The following ITIH1 variants were observed in gnomAD, a reference collection of about 807,000 sequenced individuals.
ITIH1 encodes the protein inter-alpha-trypsin inhibitor heavy chain 1.
ITIH1 carries 94 observed loss-of-function variants against 104.6 expected under a neutral mutation model. That is an observed-to-expected ratio of 0.90 (90% CI 0.76 to 1.07). The LOEUF (loss-of-function observed/expected upper bound fraction) is 1.07, where lower values mean the gene tolerates loss of function less well. Ranked by LOEUF, ITIH1 falls within the 50% of genes least tolerant of loss-of-function variation. The probability of loss-of-function intolerance (pLI) is 0.00; values close to 1 mark genes in which losing one functional copy is unlikely to be tolerated. For missense variants in ITIH1, 1,193 were observed against 1,181.4 expected, an observed-to-expected ratio of 1.01 and a Z score of -0.14; for synonymous variants, 455 against 464.4, an observed-to-expected ratio of 0.98 and a Z score of 0.26.
chr3:52,780,079 C>T lies in ITIH1; in HGVS notation c.574-190C>T, dbSNP rs1698995454. Reference sequence around the variant, plus strand: ...TAGGTGGCCAGGACACATGCTGGCTCTTGGCTGAGACTTGGTGAGTGGGAG... The same window carrying T: ...TAGGTGGCCAGGACACATGCTGGCTTTTGGCTGAGACTTGGTGAGTGGGAG... On this transcript the variant is annotated intron_variant, in intron 5 of 21. Transcript: ENST00000273283. 3.0e-6 allele frequency: 3 copies of T among 1,012,654 alleles called. No homozygotes were observed. In the East Asian group the frequency reaches 7.9e-5, roughly 27 times the overall value. 62.7% of individuals were successfully genotyped at this position (1,012,654 alleles called of 1,614,324 possible).
rs773259580 is a variant in ITIH1, at chr3:52,782,029, C to T, written c.777C>T (p.Thr259=). The part of the protein sequence containing the change: ...TSLLNGHFKV[T]YDVSRDKICD... The stretch of plus-strand genomic sequence containing the variant: ...TACTGAACGGGCACTTCAAGGTGAC[C>T]TACGATGTCAGTCGAGACAAGATCT... Residue 259 remains threonine (T), a synonymous_variant, in exon 7 of 22, where the codon ACC becomes ACT. Coordinates refer to ENST00000273283, the MANE Select transcript of ITIH1 (RefSeq NM_002215.4). 2.5e-6 allele frequency: 4 copies of T among 1,614,154 alleles called. No homozygotes were observed. The South Asian group carries it at 4.4e-5, about 18-fold the overall frequency.
At chr3:52,787,650 C>A in intron 16 of ITIH1, 38 bp downstream of exon 16, 1 of 1,608,420 alleles carries the variant, frequency 6.2e-7, no homozygotes, top group African/African-American at 1.3e-5. Context: ...CATCTCTACC[C>A]CTCCTTGATG....
At position 52,784,341 on chromosome 3, in the gene ITIH1, T is replaced by G. The variant is rs375346747; in HGVS notation, c.1271T>G (p.Ile424Ser). The change falls in exon 11 of 22, where the codon ATC becomes AGC. Residue 424 changes from isoleucine to serine, a missense_variant. Physicochemically the swap from Ile to Ser is moderately radical, Grantham distance 142. Transcript: ENST00000273283. The stretch of plus-strand genomic sequence containing the variant: ...ATCCTCAAGAACGTCCGCAACGCCA[T>G]CCGGGGCAGGTTCCCGCTCTACAAC... Reference protein sequence around the residue: ...SQILKNVRNAIRGRFPLYNLG... With the variant: ...SQILKNVRNASRGRFPLYNLG... 1.2e-6 allele frequency: 2 copies of G among 1,614,122 alleles called. No individual in the cohort carries two copies. Among genetic ancestry groups the G allele is most frequent in the Non-Finnish European group, 1.7e-6 (2 of 1,179,974 alleles).
Position 52,788,339 on chromosome 3 carries a change from AAC to A in ITIH1, c.2117_2118del (p.Thr706ArgfsTer20), listed in dbSNP as rs1241214532. On this transcript the variant is annotated frameshift_variant, in exon 18 of 22. Transcript: ENST00000273283. LOFTEE classifies it high-confidence loss of function. ...TATCCTGAGCCTGGTACAGGACCCCAACACAGGTATGGCGGGCATCACACCTC... is the reference window on the plus strand; with the variant it reads ...TATCCTGAGCCTGGTACAGGACCCCAACAGGTATGGCGGGCATCACACCTC... ...GVILSLVQDP[N>X]TGFSVNGQLI... 1 of 1,593,896 alleles carries A rather than the reference AAC, an allele frequency of 6.3e-7. No individual in the cohort carries two copies. The highest frequency in any genetic ancestry group is 8.6e-7 in the Non-Finnish European group (1 of 1,166,602).
At chr3:52,781,341 CTCT>C (rs547586206) in intron 6 of ITIH1, among the ~76,000 whole-genome samples, 164 of 148,442 alleles carry the variant, frequency 1.1e-3, no homozygotes, top group Non-Finnish European at 2.0e-3. Flanking sequence ...CTTCTATCTT[CTCT>C]TCTTCTTCCT....
intron 3 of ITIH1, 61 bp downstream of exon 3, chr3:52,778,567 A>C: frequency 6.2e-7 from 1 of 1,603,758 alleles, no homozygotes; most frequent in East Asian, 2.2e-5. Flanking sequence ...GTCCCAGCTT[A>C]AGAACAAGGA....
chr3:52,785,130 C>T lies in ITIH1; in HGVS notation c.1494C>T (p.Asn498=), dbSNP rs1023107905. The part of the protein sequence containing the change: ...PQDAVLALTQ[N]HHKQYYEGSE... ...ATGCTGTCTTGGCCCTGACCCAGAACCACCATAAACAGTACTACGAAGGCT... is the reference window on the plus strand; with the variant it reads ...ATGCTGTCTTGGCCCTGACCCAGAATCACCATAAACAGTACTACGAAGGCT... Residue 498 remains asparagine, a synonymous_variant, in exon 12 of 22, where the codon AAC becomes AAT. Coordinates refer to ENST00000273283, the MANE Select transcript of ITIH1 (RefSeq NM_002215.4). The T allele has an allele frequency of 2.5e-6, 4 of 1,614,154 alleles. No homozygotes were observed. The highest frequency in any genetic ancestry group is 3.4e-6 in the Non-Finnish European group (4 of 1,180,016).
chr3:52,779,653 A>G lies in ITIH1; in HGVS notation c.573+59A>G. ...CCTCTCTCCGTCACCATGGCTCCCAACACTGGTTGAGCACCCACCATGTGT... is the reference window on the plus strand; with the variant it reads ...CCTCTCTCCGTCACCATGGCTCCCAGCACTGGTTGAGCACCCACCATGTGT... On this transcript the variant is annotated intron_variant, in intron 5 of 21. Transcript: ENST00000273283. The surrounding 1 kb of genome is among the most constrained non-coding windows in gnomAD (Gnocchi z 4.4). 21 of 1,583,564 alleles carry G rather than the reference A, an allele frequency of 1.3e-5. No homozygotes were observed. Among genetic ancestry groups the G allele is most frequent in the Non-Finnish European group, 1.8e-5 (21 of 1,152,796 alleles).
At chr3:52,783,880 G>T (rs903001993) in intron 10 of ITIH1, among the ~76,000 whole-genome samples, 7 of 151,992 alleles carry the variant, frequency 4.6e-5, no homozygotes, top group Non-Finnish European at 1.5e-5. Context: ...CTAGAAAGAG[G>T]GGAGAGTGGC....
rs78258905 is a variant in ITIH1, at chr3:52,789,711, C to T, written c.2178C>T (p.Asp726=). The T allele has an allele frequency of 3.5e-4, 571 of 1,614,204 alleles. 3 individuals are homozygous for T. In the African/African-American group the frequency reaches 6.4e-3, roughly 18 times the overall value. The change falls in exon 19 of 22, where the codon GAC becomes GAT. Residue 726 remains aspartate (D), a synonymous_variant. Transcript: ENST00000273283. Reference sequence around the variant, plus strand: ...AGGCCAGGAGCCCTGGGCAGCATGACGGCACGTACTTCGGGCGGCTGGGAA... The same window carrying T: ...AGGCCAGGAGCCCTGGGCAGCATGATGGCACGTACTTCGGGCGGCTGGGAA... The part of the protein sequence containing the change: ...GNKARSPGQH[D]GTYFGRLGIA...
chr3:52,792,044 T>A lies in ITIH1; in HGVS notation c.*133T>A. On this transcript the variant is annotated 3_prime_UTR_variant, in exon 22 of 22. Transcript: ENST00000273283. Reference sequence around the variant, plus strand: ...TGTCAAAGCACCTCATGCCTTCCATTAAAGAGAGGCCGTGTCCACCCTGAG... The same window carrying A: ...TGTCAAAGCACCTCATGCCTTCCATAAAAGAGAGGCCGTGTCCACCCTGAG... 9.5e-7 allele frequency: 1 copy of A among 1,049,768 alleles called. No homozygotes were observed. The highest frequency in any genetic ancestry group is 1.4e-6 in the Non-Finnish European group (1 of 736,908). 65.0% of individuals were successfully genotyped at this position (1,049,768 alleles called of 1,614,324 possible).
In ITIH1 at chr3:52,784,379, C is replaced by A. The variant is rs1012774740; in HGVS notation, c.1309C>A (p.His437Asn). The stretch of plus-strand genomic sequence containing the variant: ...CCCGCTCTACAACCTGGGTTTCGGC[C>A]ACAATGTGGACTTTAACTTTCTGGA... The part of the protein sequence containing the change: ...RFPLYNLGFG[H>N]NVDFNFLEVM... Residue 437 changes from histidine to asparagine, a missense_variant, in exon 11 of 22, where the codon CAC becomes AAC. Transcript: ENST00000273283. 19 of 1,614,028 alleles carry A rather than the reference C, an allele frequency of 1.2e-5. No individual in the cohort carries two copies. The highest frequency in any genetic ancestry group is 1.5e-5 in the Non-Finnish European group (18 of 1,180,008).
intron 2 of ITIH1, 90 bp from the exon 3 acceptor site, chr3:52,778,250 G>A (rs1384834876): frequency 1.3e-5 from 18 of 1,346,970 alleles, no homozygotes; most frequent in Non-Finnish European, 1.8e-5. Context: ...ACCATGCACT[G>A]GGGCTAAGTG....
At position 52,782,229 on chromosome 3, in the gene ITIH1, G is replaced by T; in HGVS notation, c.892G>T (p.Asp298Tyr). The part of the protein sequence containing the change: ...NMNKNVVFVI[D>Y]ISGSMRGQKV... ...GAACAAGAACGTGGTTTTTGTGATT[G>T]ACATCAGTGGCTCCATGAGAGGCCA... The change falls in exon 8 of 22, where the codon GAC becomes TAC. Residue 298 changes from aspartate (D) to tyrosine (Y), a missense_variant. Physicochemically the swap from Asp to Tyr is radical, Grantham distance 160. Transcript: ENST00000273283. 6.2e-7 allele frequency: 1 copy of T among 1,614,128 alleles called. No individual in the cohort carries two copies. Among genetic ancestry groups the T allele is most frequent in the Non-Finnish European group, 8.5e-7 (1 of 1,180,018 alleles).
chr3:52,786,807 T>G (rs1699214093), intron 13 of ITIH1, 138 bp from the exon 14 acceptor site: 3 of 1,003,894 alleles, frequency 3.0e-6, no homozygotes, highest in Admixed American at 2.8e-5. Flanking sequence ...AGCCACTGCA[T>G]AGGACACCAT....
chr3:52,782,076 A>G lies in ITIH1; in HGVS notation c.813+11A>G, dbSNP rs1452785197. ...ATCTGCGACCTCCTGGTGAGCCCTG[A>G]GCTTCTGGCTCAGCACCCAGAGGAT... On this transcript the variant is annotated intron_variant, in intron 7 of 21. Coordinates refer to ENST00000273283, the MANE Select transcript of ITIH1 (RefSeq NM_002215.4). The G allele has an allele frequency of 6.2e-7, 1 of 1,614,134 alleles. No individual in the cohort carries two copies. Among genetic ancestry groups the G allele is most frequent in the Non-Finnish European group, 8.5e-7 (1 of 1,180,028 alleles).
Position 52,779,020 on chromosome 3 carries a change from C to A in ITIH1, c.384C>A (p.Ile128=), listed in dbSNP as rs1578727838. 1.9e-6 allele frequency: 3 copies of A among 1,613,642 alleles called. No individual in the cohort carries two copies. In the East Asian group the frequency reaches 6.7e-5, roughly 36 times the overall value. ...TAWKQYRKAA[I]SGENAGLVRA... The stretch of plus-strand genomic sequence containing the variant: ...GGAAGCAGTACCGGAAAGCAGCTAT[C>A]TCAGGAGAGAATGCCGGCCTTGTCA... Residue 128 remains isoleucine (I), a synonymous_variant, in exon 4 of 22, where the codon ATC becomes ATA. Transcript: ENST00000273283. This position sits in a 1 kb window ranked among gnomAD's most constrained non-coding sequence, Gnocchi z 4.4.
intron 20 of ITIH1, 118 bp downstream of exon 20, chr3:52,791,039 G>A (rs1699343472): frequency 1.9e-6 from 2 of 1,059,676 alleles, no homozygotes; most frequent in Non-Finnish European, 2.7e-6. Context: ...CACCTCCAGT[G>A]TGGCCTCCAA....
rs200837448 is a variant in ITIH1 at position 52,787,065 on chromosome 3, C to T, written c.1854C>T (p.Asp618=). 96 of 1,614,158 alleles carry T rather than the reference C, an allele frequency of 5.9e-5. No homozygotes were observed. In the East Asian group the frequency reaches 6.7e-4, roughly 11 times the overall value. The change falls in exon 14 of 22, where the codon GAC becomes GAT. Residue 618 remains aspartate, a synonymous_variant. Transcript: ENST00000273283. ...SMSIRGMADQ[D]GLKPTIDKPS... ...GCATCAGGGGCATGGCGGACCAGGA[C>T]GGCCTGAAGCCCACCATCGACAAGC...
Sources: allele counts gnomAD v4.1 joint callset (sites outside exome capture counted in the v4.1 genomes callset), GRCh38; gene constraint gnomAD v4.1.1; non-coding constraint Gnocchi (gnomAD v3.1); transcripts MANE v1.5; gene names NCBI Gene and HGNC (gene_info 2026-07-23, HGNC 2026-07-21).